Variants in SLC47A2 observed in about 807,000 individuals in gnomAD.
SLC47A2 encodes the protein solute carrier family 47 member 2.
A neutral mutation model predicts 67.7 loss-of-function variants in SLC47A2; 52 were observed. That is an observed-to-expected ratio of 0.77 (90% CI 0.61 to 0.97). SLC47A2 has a LOEUF of 0.97. Among genes scored for constraint, SLC47A2 ranks in the 50% least tolerant of loss-of-function variants. The probability of loss-of-function intolerance (pLI) is 0.00; values close to 1 mark genes in which losing one functional copy is unlikely to be tolerated. For synonymous variants in SLC47A2, 278 were observed against 292.9 expected, an observed-to-expected ratio of 0.95 and a Z score of 0.52; for missense variants, 676 against 712.3, an observed-to-expected ratio of 0.95 and a Z score of 0.58.
intron 7 of SLC47A2, 28 bp from the exon 8 acceptor site, chr17:19,707,871 G>A (rs143423226): frequency 3.7e-5 from 58 of 1,552,350 alleles, no homozygotes; most frequent in East Asian, 2.2e-4. Flanking sequence ...ACAGGGCTGC[G>A]ACTGATGCCA....
intron 16 of SLC47A2, among the ~76,000 whole-genome samples, chr17:19,679,452 G>T (rs2085265033): frequency 1.3e-5 from 2 of 152,190 alleles, no homozygotes; most frequent in Admixed American, 6.5e-5. Flanking sequence ...AGAGATGTTT[G>T]TCTGCCTGAT....
chr17:19,692,888 T>G (rs1019605963), intron 13 of SLC47A2, among the ~76,000 whole-genome samples: 5 of 152,138 alleles, frequency 3.3e-5, no homozygotes, highest in African/African-American at 1.2e-4. Context: ...ATCCCAGCAC[T>G]TTGGGAGGCC....
intron 13 of SLC47A2, among the ~76,000 whole-genome samples, chr17:19,691,532 G>A (rs1356641931): frequency 6.6e-6 from 1 of 152,188 alleles, no homozygotes; most frequent in African/African-American, 2.4e-5. Flanking sequence ...TCACTCGTTT[G>A]TAGGAGACAT....
At chr17:19,694,862 G>T (rs866901464) in intron 13 of SLC47A2, among the ~76,000 whole-genome samples, 10 of 148,360 alleles carry the variant, frequency 6.7e-5, no homozygotes, top group South Asian at 2.1e-4. Context: ...GTTGCAGTGA[G>T]CCCAGATTGT....
chr17:19,690,323 A>G (rs1016845522), intron 13 of SLC47A2, among the ~76,000 whole-genome samples: 9 of 152,204 alleles, frequency 5.9e-5, no homozygotes, highest in Non-Finnish European at 1.2e-4. Context: ...AACTACTAGA[A>G]GAAGAACTTT....
At chr17:19,717,002 T>G (rs2086284645), upstream of SLC47A2, 1 of 159,274 alleles carries the variant, frequency 6.3e-6, no homozygotes, top group Non-Finnish European at 1.4e-5. Flanking sequence ...ATTGGTGGCC[T>G]GCCCGAAGTC....
chr17:19,707,072 A>C lies in SLC47A2; in HGVS notation c.728-311T>G, dbSNP rs138271364. On this transcript the variant is annotated intron_variant, in intron 8 of 16. Coordinates refer to ENST00000433844, the MANE Select transcript of SLC47A2 (RefSeq NM_001099646.3). ...CTCTGCAGGCTCCATTTCCATCTGAAAACCCCAGGCCTTATAGCTGCCCTG... is the reference window on the plus strand; with the variant it reads ...CTCTGCAGGCTCCATTTCCATCTGACAACCCCAGGCCTTATAGCTGCCCTG... Among the ~76,000 whole-genome samples, 1,035 of 152,142 alleles carry C rather than the reference A, an allele frequency of 6.8e-3. 6 individuals carry two copies. The highest frequency in any genetic ancestry group is 0.023 in the African/African-American group (975 of 41,508).
At chr17:19,699,290 A>C (rs78414095) in intron 13 of SLC47A2, among the ~76,000 whole-genome samples, 3,599 of 152,326 alleles carry the variant, frequency 0.024, 102 homozygotes, top group African/African-American at 0.06. Flanking sequence ...AACCACAGAC[A>C]TAAAAGCAAC....
chr17:19,686,332 A>G (rs891032862), intron 13 of SLC47A2, among the ~76,000 whole-genome samples: 1 of 152,224 alleles, frequency 6.6e-6, no homozygotes. Flanking sequence ...TACACAAAAA[A>G]TAAAAAGTAT....
At chr17:19,702,318 A>G in intron 13 of SLC47A2, 1 of 985,386 alleles carries the variant, frequency 1.0e-6, no homozygotes, top group Non-Finnish European at 1.2e-6. Flanking sequence ...CCAGCTCATG[A>G]GGAATCCGGA....
intron 10 of SLC47A2, chr17:19,704,759 CT>C: frequency 7.0e-7 from 1 of 1,428,682 alleles, no homozygotes; most frequent in Non-Finnish European, 9.5e-7. Context: ...GCTGGGGACG[CT>C]GTCACCCAGC....
intron 13 of SLC47A2, 70 bp downstream of exon 13, chr17:19,702,535 G>A (rs2085812462): frequency 6.3e-7 from 1 of 1,596,140 alleles, no homozygotes; most frequent in East Asian, 2.2e-5. Flanking sequence ...GCCCTGCGAG[G>A]TCCTGGGGAG....
At chr17:19,701,513 G>A (rs536772508) in intron 13 of SLC47A2, among the ~76,000 whole-genome samples, 14 of 152,252 alleles carry the variant, frequency 9.2e-5, no homozygotes, top group African/African-American at 2.6e-4. Context: ...GCTGGAATGC[G>A]CCAGTATTGC....
chr17:19,690,032 T>C (rs1405478539), intron 13 of SLC47A2, among the ~76,000 whole-genome samples: 1 of 152,142 alleles, frequency 6.6e-6, no homozygotes, highest in Non-Finnish European at 1.5e-5. Flanking sequence ...ACTACAGAGC[T>C]GTAGTAACCA....
intron 2 of SLC47A2, 158 bp downstream of exon 2, chr17:19,714,952 CCTCCAT>C: frequency 8.1e-7 from 1 of 1,237,468 alleles, no homozygotes; most frequent in East Asian, 2.4e-5. Flanking sequence ...GGCCAGACCG[CCTCCAT>C]CTCCGGCCCT....
rs771632389 is a variant in SLC47A2 at position 19,707,801 on chromosome 17, G to A, written c.672C>T (p.Thr224=). 1.4e-5 allele frequency: 23 copies of A among 1,605,134 alleles called. No homozygotes were observed. Among genetic ancestry groups the A allele is most frequent in the South Asian group, 3.4e-5 (3 of 89,254 alleles). The change falls in exon 8 of 17, where the codon ACC becomes ACT. Residue 224 remains threonine, a synonymous_variant. Transcript: ENST00000433844. ...YANIISQFAQ[T]VFLLLYIVLK... is the part of the protein sequence containing the mutation. Reference sequence around the variant, plus strand: ...GCACAATGTAGAGAAGGAGGAAGACGGTCTGTGCAAACTGGGAGATGATGT... The same window carrying A: ...GCACAATGTAGAGAAGGAGGAAGACAGTCTGTGCAAACTGGGAGATGATGT...
intron 8 of SLC47A2, among the ~76,000 whole-genome samples, chr17:19,707,315 C>T (rs551532860): frequency 3.9e-5 from 6 of 152,324 alleles, no homozygotes; most frequent in South Asian, 2.1e-4. Flanking sequence ...GGCCCCTACA[C>T]GCCTGCTGTT....
At chr17:19,703,751 G>A (rs1373414156) in intron 11 of SLC47A2, among the ~76,000 whole-genome samples, 3 of 152,216 alleles carry the variant, frequency 2.0e-5, no homozygotes, top group Non-Finnish European at 4.4e-5. Flanking sequence ...AGGAAGGGCC[G>A]TCAAAGAGTC....
At chr17:19,694,275 A>G (rs2085609012) in intron 13 of SLC47A2, among the ~76,000 whole-genome samples, 1 of 152,220 alleles carries the variant, frequency 6.6e-6, no homozygotes. Flanking sequence ...AGCTGATTCT[A>G]AAATACATAC....
Sources: allele counts gnomAD v4.1 joint callset (sites outside exome capture counted in the v4.1 genomes callset), GRCh38; gene constraint gnomAD v4.1.1; transcripts MANE v1.5; gene names NCBI Gene and HGNC (gene_info 2026-07-23, HGNC 2026-07-21).